The following DSCAML1 variants were observed in gnomAD, a reference collection of about 807,000 sequenced individuals.
DSCAML1 encodes the protein cell adhesion molecule DSCAML1.
A neutral mutation model predicts 200.5 loss-of-function variants in DSCAML1; 38 were observed. The observed-to-expected ratio is 0.19, with a 90% confidence interval of 0.15 to 0.25. The LOEUF (loss-of-function observed/expected upper bound fraction) is 0.25, where lower values mean the gene tolerates loss of function less well. Ranked by LOEUF, DSCAML1 falls within the 10% of genes least tolerant of loss-of-function variation. DSCAML1 has a pLI of 1.00. For missense variants in DSCAML1, 2,223 were observed against 2,858.8 expected (o/e 0.78, Z 5.07); for synonymous variants, 1,215 against 1,165.0 (o/e 1.04, Z -0.87).
At chr11:117,629,294 G>A (rs1036694021) in intron 3 of DSCAML1, among the ~76,000 whole-genome samples, 1 of 152,180 alleles carries the variant, frequency 6.6e-6, no homozygotes, top group Non-Finnish European at 1.5e-5. Flanking sequence ...CTTTGGCAAG[G>A]TGGCATCCCT....
At chr11:117,507,816 C>G (rs1331364324) in intron 8 of DSCAML1, among the ~76,000 whole-genome samples, 1 of 152,212 alleles carries the variant, frequency 6.6e-6, no homozygotes, top group African/African-American at 2.4e-5. Flanking sequence ...TTCCGGGGTT[C>G]TGGTCATGGC....
At position 117,736,749 on chromosome 11, in the gene DSCAML1, GC is replaced by G. The variant is rs778123552; in HGVS notation, c.511+40041del. On this transcript the variant is annotated intron_variant, in intron 3 of 32. Transcript: ENST00000651296. ...GTTGCTTCTTATCACAGAACCATTGGCCCCATCTCCTCATTTTATTGACAAG... is the reference window on the plus strand; with the variant it reads ...GTTGCTTCTTATCACAGAACCATTGGCCCATCTCCTCATTTTATTGACAAG... 4.3e-4 allele frequency among the ~76,000 whole-genome samples: 66 copies of G among 152,230 alleles called. 1 individual carries two copies. Among genetic ancestry groups the G allele is most frequent in the Non-Finnish European group, 1.9e-4 (13 of 68,036 alleles).
chr11:117,754,835 C>A (rs890633190), intron 3 of DSCAML1, among the ~76,000 whole-genome samples: 1 of 152,066 alleles, frequency 6.6e-6, no homozygotes, highest in Non-Finnish European at 1.5e-5. Flanking sequence ...ACGGGTGCCT[C>A]CCTCCCTACC....
chr11:117,773,810 AGCT>A (rs1466849767), intron 3 of DSCAML1, among the ~76,000 whole-genome samples: 1 of 152,132 alleles, frequency 6.6e-6, no homozygotes, highest in East Asian at 1.9e-4. Context: ...TCTAACATGT[AGCT>A]GTAGAATGAT....
At chr11:117,514,572 CTTTTT>C (rs532136039) in intron 8 of DSCAML1, among the ~76,000 whole-genome samples, 7 of 98,260 alleles carry the variant, frequency 7.1e-5, no homozygotes, top group African/African-American at 1.2e-4. Flanking sequence ...TTTTCTTTTT[CTTTTT>C]TTTTTTTTTT....
chr11:117,635,444 T>TG lies in DSCAML1; in HGVS notation c.512-102923dup, dbSNP rs1296903195. On this transcript the variant is annotated intron_variant, in intron 3 of 32. Coordinates refer to ENST00000651296, the MANE Select transcript of DSCAML1 (RefSeq NM_020693.4). The stretch of plus-strand genomic sequence containing the variant: ...TTTAAGTGCAGAACGTCCTAGTGTG[T>TG]GTGGTGTGTGTGTGTGTGTGTGTGT... 3.4e-5 allele frequency among the ~76,000 whole-genome samples: 5 copies of TG among 146,744 alleles called. 2 individuals are homozygous for TG. The highest frequency in any genetic ancestry group is 1.3e-4 in the African/African-American group (5 of 37,366).
Position 117,554,820 on chromosome 11 carries a change from C to A in DSCAML1, c.512-22298G>T, listed in dbSNP as rs550762201. 1.3e-4 allele frequency among the ~76,000 whole-genome samples: 20 copies of A among 152,316 alleles called. No homozygotes were observed. The South Asian group carries it at 2.7e-3, about 21-fold the overall frequency. ...ATCTCCTGGGTCAGCCCTGAACTGCCAGTCCCCAGACTCCTTGTTAGACAA... is the reference window on the plus strand; with the variant it reads ...ATCTCCTGGGTCAGCCCTGAACTGCAAGTCCCCAGACTCCTTGTTAGACAA... On this transcript the variant is annotated intron_variant, in intron 3 of 32. Coordinates refer to ENST00000651296, the MANE Select transcript of DSCAML1 (RefSeq NM_020693.4).
intron 8 of DSCAML1, among the ~76,000 whole-genome samples, chr11:117,506,278 G>C (rs909733868): frequency 6.6e-6 from 1 of 152,190 alleles, no homozygotes; most frequent in Non-Finnish European, 1.5e-5. Context: ...TGAGTGTCAG[G>C]ACAGGCGAGT....
chr11:117,775,959 A>G (rs1159354248), intron 3 of DSCAML1, among the ~76,000 whole-genome samples: 1 of 152,208 alleles, frequency 6.6e-6, no homozygotes, highest in Non-Finnish European at 1.5e-5. Flanking sequence ...AATTTACAGC[A>G]TGGGAAACAA....
chr11:117,437,243 G>C lies in DSCAML1; in HGVS notation c.4599C>G (p.Ser1533=). 2 of 1,614,204 alleles carry C rather than the reference G, an allele frequency of 1.2e-6. No individual in the cohort carries two copies. The highest frequency in any genetic ancestry group is 1.7e-6 in the Non-Finnish European group (2 of 1,180,042). The part of the protein sequence containing the change: ...WAWQGLRANS[S]GEVFLTELRE... ...GCAGTTCCGTCAGAAACACCTCCCC[G>C]GAGCTGTTGGCCCGGAGGCCCTGCC... Residue 1533 remains serine, a synonymous_variant, in exon 26 of 33, where the codon TCC becomes TCG. Coordinates refer to ENST00000651296, the MANE Select transcript of DSCAML1 (RefSeq NM_020693.4). This position sits in a 1 kb window ranked among gnomAD's most constrained non-coding sequence, Gnocchi z 5.3.
rs184628924 is a variant in DSCAML1, at chr11:117,571,152, C to T, written c.512-38630G>A. Among the ~76,000 whole-genome samples, 828 of 152,340 alleles carry T rather than the reference C, an allele frequency of 5.4e-3. 11 individuals carry two copies. The highest frequency in any genetic ancestry group is 0.032 in the Admixed American group (495 of 15,308). On this transcript the variant is annotated intron_variant, in intron 3 of 32. Coordinates refer to ENST00000651296, the MANE Select transcript of DSCAML1 (RefSeq NM_020693.4). ...GGAGACCAGTGCTCCAGAGGGATCA[C>T]GCCTGTGCCCAGGGCCCTCTGCCTC...
chr11:117,723,830 G>A (rs1197398936), intron 3 of DSCAML1, among the ~76,000 whole-genome samples: 2 of 152,232 alleles, frequency 1.3e-5, no homozygotes, highest in Non-Finnish European at 2.9e-5. Context: ...CTGGGAGGGA[G>A]GGAATGATGG....
chr11:117,556,249 C>A (rs928809649), intron 3 of DSCAML1, among the ~76,000 whole-genome samples: 19 of 152,268 alleles, frequency 1.2e-4, no homozygotes, highest in Middle Eastern at 6.8e-3. Context: ...TCAGTTCTGG[C>A]TGGAGCTGAG....
At chr11:117,783,960 T>C (rs889462616) in intron 1 of DSCAML1, among the ~76,000 whole-genome samples, 3 of 152,138 alleles carry the variant, frequency 2.0e-5, no homozygotes, top group Non-Finnish European at 4.4e-5. Flanking sequence ...ACAGCCACAA[T>C]GACAGCAGCC....
chr11:117,495,139 AG>A (rs1376220600), intron 11 of DSCAML1, among the ~76,000 whole-genome samples: 2 of 152,090 alleles, frequency 1.3e-5, no homozygotes. Flanking sequence ...GGGCCAGGGT[AG>A]GGGGGCTTCC....
intron 3 of DSCAML1, among the ~76,000 whole-genome samples, chr11:117,599,128 C>G (rs1219559015): frequency 1.8e-5 from 1 of 55,632 alleles, no homozygotes; most frequent in Non-Finnish European, 3.4e-5. Flanking sequence ...GGGCAGTAGC[C>G]GCAAAACCAC....
At chr11:117,621,259 G>T (rs919753266) in intron 3 of DSCAML1, among the ~76,000 whole-genome samples, 5 of 152,160 alleles carry the variant, frequency 3.3e-5, no homozygotes, top group Non-Finnish European at 7.4e-5. Flanking sequence ...TCTTTTTATT[G>T]GTTGTCCTTT....
In DSCAML1 at chr11:117,465,226, G is replaced by A. The variant is rs367602610; in HGVS notation, c.3025-44C>T. 582 of 1,601,848 alleles carry A rather than the reference G, an allele frequency of 3.6e-4. 1 individual carries two copies. The highest frequency in any genetic ancestry group is 4.6e-4 in the Non-Finnish European group (534 of 1,172,292). On this transcript the variant is annotated intron_variant, in intron 16 of 32. Transcript: ENST00000651296. ...GGTGGGCACAAAGAAATGGCAACACGCTGAGATGATGCTCTTAAAACCAAA... is the reference window on the plus strand; with the variant it reads ...GGTGGGCACAAAGAAATGGCAACACACTGAGATGATGCTCTTAAAACCAAA...
At chr11:117,500,548 A>T (rs1009638795) in intron 11 of DSCAML1, among the ~76,000 whole-genome samples, 2 of 78,264 alleles carry the variant, frequency 2.6e-5, no homozygotes, top group Admixed American at 2.2e-4. Context: ...ACCGGGGAGG[A>T]CATTGGGGTG....
Sources: gnomAD v4.1 joint callset for allele counts (sites outside exome capture counted in the v4.1 genomes callset) on GRCh38, gnomAD v4.1.1 for gene constraint, Gnocchi (gnomAD v3.1) non-coding constraint, MANE v1.5 for transcripts, NCBI Gene and HGNC (gene_info 2026-07-23, HGNC 2026-07-21) for gene names.